PPM1H: variants seen among roughly 807,000 people sequenced by gnomAD.
The protein encoded by PPM1H is protein phosphatase, Mg2+/Mn2+ dependent 1H.
In PPM1H, 27 loss-of-function variants were observed where a neutral mutation model predicts 54.9. The observed-to-expected ratio is 0.49, with a 90% CI of 0.36 to 0.68. The LOEUF (loss-of-function observed/expected upper bound fraction) is 0.68. Ranked by LOEUF, PPM1H falls within the 30% of genes least tolerant of loss-of-function variation. PPM1H has a pLI of 0.00. For missense variants in PPM1H, 596 were observed against 667.8 expected (o/e 0.89, Z 1.19); for synonymous variants, 305 against 270.8 (o/e 1.13, Z -1.24).
At chr12:62,667,014 A>G (rs920775488) in intron 9 of PPM1H, among the ~76,000 whole-genome samples, 164 bp downstream of exon 9, 9 of 152,228 alleles carry the variant, frequency 5.9e-5, no homozygotes, top group Non-Finnish European at 1.0e-4. Context: ...ACCTGGCTGG[A>G]AAGTACCTCT....
At chr12:62,929,617 C>G (rs895895395) in intron 1 of PPM1H, among the ~76,000 whole-genome samples, 44 of 152,244 alleles carry the variant, frequency 2.9e-4, no homozygotes, top group Non-Finnish European at 2.6e-4. Flanking sequence ...GTAAACACCC[C>G]CCTGCATGGT....
intron 1 of PPM1H, among the ~76,000 whole-genome samples, chr12:62,843,275 C>T (rs1279394939): frequency 6.6e-6 from 1 of 152,140 alleles, no homozygotes; most frequent in Non-Finnish European, 1.5e-5. Context: ...CGAGATGGCG[C>T]CACTGCACTC....
chr12:62,696,085 A>G (rs2136643799), intron 6 of PPM1H, among the ~76,000 whole-genome samples: 1 of 152,340 alleles, frequency 6.6e-6, no homozygotes, highest in Middle Eastern at 3.4e-3. Context: ...CTGCAGCTCT[A>G]GAACCAATGA....
chr12:62,645,726 A>G lies in PPM1H; in HGVS notation c.*2763T>C, dbSNP rs527921424. ...GCCACACACCCCTCGAGACAACCAT[A>G]AAGACTTGACTAGGAAATCAAAAGG... On this transcript the variant is annotated 3_prime_UTR_variant, in exon 10 of 10. Coordinates refer to ENST00000228705, the MANE Select transcript of PPM1H (RefSeq NM_020700.2). The G allele has an allele frequency of 6.6e-6, 1 of 152,314 alleles. No individual in the cohort carries two copies. Among genetic ancestry groups the G allele is most frequent in the South Asian group, 2.1e-4 (1 of 4,832 alleles). The allele number at this position is 152,314 out of a possible 1,614,324, so 9.4% of individuals were successfully genotyped here. A position where few individuals can be genotyped will look rare whatever the true frequency, so the allele number is the denominator to read the frequency against.
At chr12:62,689,643 A>T in intron 8 of PPM1H, 56 bp downstream of exon 8, 1 of 1,353,214 alleles carries the variant, frequency 7.4e-7, no homozygotes, top group Non-Finnish European at 1.0e-6. Context: ...TCACAGGAGG[A>T]ATAACGCCGA....
chr12:62,671,137 C>T (rs1419027818), intron 8 of PPM1H, among the ~76,000 whole-genome samples: 1 of 152,112 alleles, frequency 6.6e-6, no homozygotes, highest in Admixed American at 6.5e-5. Context: ...TCAAAGTTCC[C>T]CTGTTCAATT....
rs2075792331 is a variant in PPM1H at position 62,647,450 on chromosome 12, TCC to T, written c.*1037_*1038del. ...GCCATGAAACATGAATCCAAAATGG[TCC>T]CCAGATGAGCCATGGTGAACCAACA... On this transcript the variant is annotated 3_prime_UTR_variant, in exon 10 of 10. Coordinates refer to ENST00000228705, the MANE Select transcript of PPM1H (RefSeq NM_020700.2). The T allele has an allele frequency of 6.6e-6, 1 of 152,052 alleles. No homozygotes were observed. Among genetic ancestry groups the T allele is most frequent in the Non-Finnish European group, 1.5e-5 (1 of 68,042 alleles). 9.4% of individuals were successfully genotyped at this position (152,052 alleles called of 1,614,324 possible).
chr12:62,677,202 G>A (rs182330661), intron 8 of PPM1H, among the ~76,000 whole-genome samples: 5 of 152,302 alleles, frequency 3.3e-5, no homozygotes, highest in African/African-American at 9.6e-5. Context: ...CTATCACTCA[G>A]TAAAGCACCT....
At chr12:62,751,345 T>C (rs1048830088) in intron 4 of PPM1H, among the ~76,000 whole-genome samples, 2 of 152,024 alleles carry the variant, frequency 1.3e-5, no homozygotes, top group Non-Finnish European at 2.9e-5. Context: ...GGGTGGAAAA[T>C]AGAAGCTTTG....
chr12:62,862,950 T>C (rs1307263231), intron 1 of PPM1H, among the ~76,000 whole-genome samples: 1 of 152,226 alleles, frequency 6.6e-6, no homozygotes, highest in East Asian at 1.9e-4. Context: ...CAAATAACCC[T>C]AAGAATCACT....
At chr12:62,733,746 A>T (rs939415219) in intron 5 of PPM1H, among the ~76,000 whole-genome samples, 2 of 152,214 alleles carry the variant, frequency 1.3e-5, no homozygotes, top group Non-Finnish European at 2.9e-5. Flanking sequence ...CATTTGATTT[A>T]GGAGTAAGGA....
chr12:62,876,979 C>T (rs1870195785), intron 1 of PPM1H, among the ~76,000 whole-genome samples: 1 of 152,198 alleles, frequency 6.6e-6, no homozygotes, highest in South Asian at 2.1e-4. Context: ...CACTTGCGCC[C>T]ATCTTACGTA....
At chr12:62,777,899 G>C (rs2076620562) in intron 4 of PPM1H, among the ~76,000 whole-genome samples, 1 of 152,104 alleles carries the variant, frequency 6.6e-6, no homozygotes, top group African/African-American at 2.4e-5. Flanking sequence ...CAAATATTTG[G>C]TATGCTGTTT....
chr12:62,901,223 G>T (rs1433628957), intron 1 of PPM1H, among the ~76,000 whole-genome samples: 1 of 152,126 alleles, frequency 6.6e-6, no homozygotes, highest in Non-Finnish European at 1.5e-5. Context: ...GTTCCCAGTG[G>T]GCAACAGCCA....
At chr12:62,677,924 G>A (rs1408704056) in intron 8 of PPM1H, among the ~76,000 whole-genome samples, 1 of 152,210 alleles carries the variant, frequency 6.6e-6, no homozygotes, top group East Asian at 1.9e-4. Context: ...TCAGGAAGTG[G>A]ATTCCAGGGA....
At chr12:62,766,637 G>A (rs1036777121) in intron 4 of PPM1H, among the ~76,000 whole-genome samples, 3 of 152,132 alleles carry the variant, frequency 2.0e-5, no homozygotes, top group Non-Finnish European at 4.4e-5. Context: ...AGTCCTCTGT[G>A]GTCCTGAAAA....
At chr12:62,689,002 C>A (rs1440707103) in intron 8 of PPM1H, among the ~76,000 whole-genome samples, 3 of 152,126 alleles carry the variant, frequency 2.0e-5, no homozygotes, top group South Asian at 2.1e-4. Context: ...TCTCAAAATA[C>A]AAAACAAAAC....
intron 6 of PPM1H, among the ~76,000 whole-genome samples, chr12:62,710,664 G>A (rs544795194): frequency 5.3e-5 from 8 of 152,160 alleles, no homozygotes; most frequent in South Asian, 2.1e-4. Flanking sequence ...AGAGCTCTAC[G>A]TTTTCTGTGT....
At chr12:62,898,029 C>A (rs1180722628) in intron 1 of PPM1H, among the ~76,000 whole-genome samples, 2 of 152,186 alleles carry the variant, frequency 1.3e-5, no homozygotes, top group African/African-American at 4.8e-5. Flanking sequence ...ACTGTATAGT[C>A]CAGCCCAGCC....
Sources: gnomAD v4.1 joint callset for allele counts (sites outside exome capture counted in the v4.1 genomes callset) on GRCh38, gnomAD v4.1.1 for gene constraint, MANE v1.5 for transcripts, NCBI Gene and HGNC (gene_info 2026-07-23, HGNC 2026-07-21) for gene names.